Variants in PTPN1 observed in about 807,000 individuals in gnomAD.
The protein encoded by PTPN1 is protein tyrosine phosphatase non-receptor type 1, also known as tyrosine-protein phosphatase non-receptor type 1.
PTPN1 carries 12 observed loss-of-function variants against 59.9 expected under a neutral mutation model. The ratio of observed to expected loss-of-function variants is 0.20; its 90% confidence interval spans 0.13 to 0.32. PTPN1 has a LOEUF of 0.32. PTPN1 is among the 10% of genes least tolerant of loss of function. The pLI is 1.00. For missense variants in PTPN1, 356 were observed against 549.2 expected, an observed-to-expected ratio of 0.65 and a Z score of 3.52; for synonymous variants, 178 against 203.6, an observed-to-expected ratio of 0.87 and a Z score of 1.07.
At chr20:50,517,265 T>C (rs2082532636) in intron 1 of PTPN1, among the ~76,000 whole-genome samples, 1 of 151,958 alleles carries the variant, frequency 6.6e-6, no homozygotes, top group Admixed American at 6.6e-5. Flanking sequence ...TTTTTTAATA[T>C]TTTTTTTGAG....
intron 5 of PTPN1, chr20:50,577,556 C>G (rs1390233273): frequency 1.3e-5 from 2 of 152,346 alleles, no homozygotes; most frequent in Non-Finnish European, 2.9e-5. Context: ...GTACTCCCCC[C>G]AGTGAGGGCT....
intron 1 of PTPN1, among the ~76,000 whole-genome samples, chr20:50,521,884 C>T (rs996389467): frequency 1.3e-5 from 2 of 152,136 alleles, no homozygotes; most frequent in Admixed American, 1.3e-4. Flanking sequence ...TACATGTGTG[C>T]GTTGCAGAGT....
chr20:50,582,964 A>G lies in PTPN1; in HGVS notation c.*249A>G, dbSNP rs1318142819. On this transcript the variant is annotated 3_prime_UTR_variant, in exon 10 of 10. Coordinates refer to ENST00000371621, the MANE Select transcript of PTPN1 (RefSeq NM_002827.4). This position sits in a 1 kb window ranked among gnomAD's most constrained non-coding sequence, Gnocchi z 4.2. The stretch of plus-strand genomic sequence containing the variant: ...AGCCATTTTTTGAGGAGAGTGAAAG[A>G]GAGTACCATGCTGGCGGCGCAGAGG... 3.5e-6 allele frequency: 2 copies of G among 576,324 alleles called. No homozygotes were observed. The highest frequency in any genetic ancestry group is 2.8e-5 in the East Asian group (1 of 35,182). The allele number at this position is 576,324 out of a possible 1,614,324, so 35.7% of individuals were successfully genotyped here.
intron 1 of PTPN1, among the ~76,000 whole-genome samples, chr20:50,557,295 A>G (rs1335271959): frequency 6.6e-6 from 1 of 152,140 alleles, no homozygotes; most frequent in Non-Finnish European, 1.5e-5. Flanking sequence ...CAGTGGCACC[A>G]TCGTAGCTCA....
Position 50,574,640 on chromosome 20 carries a change from T to C in PTPN1, c.478T>C (p.Leu160=), listed in dbSNP as rs763028609. 4.4e-6 allele frequency: 7 copies of C among 1,603,098 alleles called. No homozygotes were observed. The highest frequency in any genetic ancestry group is 4.0e-5 in the African/African-American group (3 of 74,260). ...ATATTATACAGTGCGACAGCTAGAA[T>C]TGGAAAACCTTACAGTGAGTATAGC... The part of the protein sequence containing the change: ...KSYYTVRQLE[L]ENLTTQETRE... Residue 160 remains leucine, a synonymous_variant, in exon 5 of 10, where the codon TTG becomes CTG. Coordinates refer to ENST00000371621, the MANE Select transcript of PTPN1 (RefSeq NM_002827.4).
At chr20:50,521,346 C>T (rs1377431546) in intron 1 of PTPN1, among the ~76,000 whole-genome samples, 1 of 152,222 alleles carries the variant, frequency 6.6e-6, no homozygotes, top group East Asian at 1.9e-4. Context: ...TTATTGAATT[C>T]TGTGTTGTGC....
chr20:50,578,427 A>G lies in PTPN1; in HGVS notation c.500A>G (p.Glu167Gly), dbSNP rs762225731. 5.0e-6 allele frequency: 8 copies of G among 1,613,664 alleles called. No individual in the cohort carries two copies. The highest frequency in any genetic ancestry group is 6.8e-6 in the Non-Finnish European group (8 of 1,179,530). Residue 167 changes from glutamate to glycine, a missense_variant, in exon 6 of 10, where the codon GAA becomes GGA. This residue lies in a region of PTPN1 where 194 missense variants were observed against 344.2 expected (regional missense o/e 0.56). Transcript: ENST00000371621. Reference sequence around the variant, plus strand: ...AGTATTTTTCTCTTTCAGACCCAAGAAACTCGAGAGATCTTACATTTCCAC... The same window carrying G: ...AGTATTTTTCTCTTTCAGACCCAAGGAACTCGAGAGATCTTACATTTCCAC... The part of the protein sequence containing the change: ...QLELENLTTQ[E>G]TREILHFHYT...
chr20:50,519,548 T>G (rs563745078), intron 1 of PTPN1, among the ~76,000 whole-genome samples: 1 of 152,356 alleles, frequency 6.6e-6, no homozygotes, highest in East Asian at 1.9e-4. Flanking sequence ...CTTAGCTGTC[T>G]GTGAAATGCA....
intron 1 of PTPN1, among the ~76,000 whole-genome samples, chr20:50,539,644 CTTTTTTTTTTT>C (rs5841806): frequency 1.1e-5 from 1 of 90,548 alleles, no homozygotes; most frequent in Admixed American, 1.3e-4. Context: ...CTCTTTCTCT[CTTTTTTTTTTT>C]TTTTTTTTTT....
intron 8 of PTPN1, 150 bp from the exon 9 acceptor site, chr20:50,581,115 C>T: frequency 7.5e-7 from 1 of 1,340,784 alleles, no homozygotes; most frequent in Non-Finnish European, 9.7e-7. Context: ...TCCCTCCAAG[C>T]AGAGGGGGCT....
At chr20:50,559,878 T>C (rs568443899) in intron 1 of PTPN1, among the ~76,000 whole-genome samples, 179 of 150,762 alleles carry the variant, frequency 1.2e-3, no homozygotes, top group African/African-American at 4.2e-3. Flanking sequence ...TTTTTTCTGG[T>C]TTTTGTTTTT....
intron 1 of PTPN1, among the ~76,000 whole-genome samples, chr20:50,537,729 T>TTA (rs990354680): frequency 6.6e-6 from 1 of 152,172 alleles, no homozygotes; most frequent in Non-Finnish European, 1.5e-5. Flanking sequence ...TGCTTGTACT[T>TTA]TATAAGCCTG....
intron 1 of PTPN1, among the ~76,000 whole-genome samples, chr20:50,540,865 G>A (rs1375304014): frequency 6.6e-6 from 1 of 152,124 alleles, no homozygotes; most frequent in African/African-American, 2.4e-5. Flanking sequence ...TCTTGATTGG[G>A]TCCTCCTGCC....
At chr20:50,525,442 A>AT (rs2082570451) in intron 1 of PTPN1, among the ~76,000 whole-genome samples, 1 of 152,346 alleles carries the variant, frequency 6.6e-6, no homozygotes, top group African/African-American at 2.4e-5. Context: ...CCATTCACAC[A>AT]TTTATTAAAT....
intron 8 of PTPN1, among the ~76,000 whole-genome samples, chr20:50,580,846 C>T (rs1011662383): frequency 5.9e-5 from 9 of 152,130 alleles, no homozygotes; most frequent in Non-Finnish European, 1.2e-4. Flanking sequence ...TGTTCTCTCC[C>T]GGTGTTGGGA....
chr20:50,538,194 G>A (rs1424151810), intron 1 of PTPN1, among the ~76,000 whole-genome samples: 1 of 150,442 alleles, frequency 6.6e-6, no homozygotes, highest in African/African-American at 2.5e-5. Flanking sequence ...AAACAATCCC[G>A]AGTTTTGATT....
intron 3 of PTPN1, among the ~76,000 whole-genome samples, chr20:50,567,160 G>A (rs757113797): frequency 1.3e-5 from 2 of 152,222 alleles, no homozygotes; most frequent in African/African-American, 4.8e-5. Flanking sequence ...GGGGACGGTG[G>A]CTTACGCCTG....
At chr20:50,520,948 G>T (rs1483970278) in intron 1 of PTPN1, among the ~76,000 whole-genome samples, 1 of 152,160 alleles carries the variant, frequency 6.6e-6, no homozygotes, top group African/African-American at 2.4e-5. Flanking sequence ...CACAGGAGAA[G>T]ACCAGAGGGT....
intron 1 of PTPN1, among the ~76,000 whole-genome samples, chr20:50,558,918 C>T (rs994559301): frequency 5.3e-5 from 8 of 151,974 alleles, no homozygotes; most frequent in African/African-American, 1.9e-4. Context: ...TATCCTATAT[C>T]TTTCTCTTTC....
Sources: gnomAD v4.1 joint callset for allele counts (sites outside exome capture counted in the v4.1 genomes callset) on GRCh38, gnomAD v4.1.1 for gene constraint, gnomAD v4.1.1 regional missense constraint, Gnocchi (gnomAD v3.1) non-coding constraint, MANE v1.5 for transcripts, NCBI Gene and HGNC (gene_info 2026-07-23, HGNC 2026-07-21) for gene names.